USP45: variants seen among roughly 807,000 people sequenced by gnomAD.
The protein encoded by USP45 is ubiquitin specific peptidase 45, also known as ubiquitin carboxyl-terminal hydrolase 45.
A neutral mutation model predicts 95.8 loss-of-function variants in USP45; 89 were observed. The observed-to-expected ratio is 0.93, with a 90% CI of 0.78 to 1.11. The LOEUF (loss-of-function observed/expected upper bound fraction) is 1.11. USP45 is among the 50% of genes least tolerant of loss of function. The probability of loss-of-function intolerance (pLI) is 0.00; values close to 1 mark genes in which losing one functional copy is unlikely to be tolerated. For missense variants in USP45, 898 were observed against 942.5 expected (o/e 0.95, Z 0.62); for synonymous variants, 281 against 316.2 (o/e 0.89, Z 1.18).
At chr6:99,448,384 C>T (rs566833724) in intron 13 of USP45, among the ~76,000 whole-genome samples, 5 of 152,314 alleles carry the variant, frequency 3.3e-5, no homozygotes, top group African/African-American at 9.6e-5. Context: ...AGGAGAACTA[C>T]GTGACAAATG....
In USP45 at chr6:99,450,830, T is replaced by C. The variant is rs529266422; in HGVS notation, c.1309-4367A>G. On this transcript the variant is annotated intron_variant, in intron 13 of 17. Coordinates refer to ENST00000500704, the MANE Select transcript of USP45 (RefSeq NM_001346022.3). Reference sequence around the variant, plus strand: ...ATCCAGCAGCACATCAAAAAGCTTATCCACCATGATCAAGTGGGCTTCATC... The same window carrying C: ...ATCCAGCAGCACATCAAAAAGCTTACCCACCATGATCAAGTGGGCTTCATC... Among the ~76,000 whole-genome samples the C allele has an allele frequency of 2.0e-5, 3 of 152,266 alleles. No individual in the cohort carries two copies. In the South Asian group the frequency reaches 6.2e-4, roughly 32 times the overall value.
intron 13 of USP45, among the ~76,000 whole-genome samples, chr6:99,451,294 C>A (rs1409189035): frequency 6.6e-6 from 1 of 152,236 alleles, no homozygotes; most frequent in Non-Finnish European, 1.5e-5. Context: ...CCCATCATCT[C>A]AACCCAAAAT....
chr6:99,502,934 C>G (rs1797709689), intron 5 of USP45, among the ~76,000 whole-genome samples: 2 of 152,196 alleles, frequency 1.3e-5, no homozygotes, highest in African/African-American at 4.8e-5. Context: ...GAGCTGATGA[C>G]AGCAGCAGGC....
rs1280852486 is a variant in USP45 at position 99,433,950 on chromosome 6, GAC to G, written c.*1764_*1765del. On this transcript the variant is annotated 3_prime_UTR_variant, in exon 18 of 18. Transcript: ENST00000500704. ...TACCAAGATGGCTGACTTGAATAAA[GAC>G]AGTCAATATTTTTCAAAAAATTCAC... 6.6e-6 allele frequency: 1 copy of G among 152,126 alleles called. No homozygotes were observed. The highest frequency in any genetic ancestry group is 2.4e-5 in the African/African-American group (1 of 41,420). The allele number at this position is 152,126 out of a possible 1,614,324, so 9.4% of individuals were successfully genotyped here.
chr6:99,472,152 A>G (rs2128657438), intron 9 of USP45, among the ~76,000 whole-genome samples: 1 of 152,200 alleles, frequency 6.6e-6, no homozygotes, highest in Middle Eastern at 3.4e-3. Context: ...TTTTTTTATA[A>G]TATCAACAGA....
At chr6:99,494,278 T>C (rs981558041) in intron 5 of USP45, among the ~76,000 whole-genome samples, 3 of 152,202 alleles carry the variant, frequency 2.0e-5, no homozygotes, top group African/African-American at 7.2e-5. Context: ...AAAGATAATA[T>C]AGACCTGGAA....
chr6:99,505,260 C>T (rs982191875), intron 4 of USP45, among the ~76,000 whole-genome samples: 8 of 152,084 alleles, frequency 5.3e-5, no homozygotes, highest in South Asian at 2.1e-4. Context: ...ATTAATACAT[C>T]GTATTAATTT....
chr6:99,496,927 A>C (rs1463426757), intron 5 of USP45, among the ~76,000 whole-genome samples: 1 of 152,102 alleles, frequency 6.6e-6, no homozygotes, highest in Non-Finnish European at 1.5e-5. Flanking sequence ...GCACTGACAC[A>C]TCATTATCAC....
intron 5 of USP45, among the ~76,000 whole-genome samples, chr6:99,498,335 C>T (rs1321655798): frequency 1.3e-5 from 2 of 152,170 alleles, no homozygotes; most frequent in Non-Finnish European, 2.9e-5. Flanking sequence ...TTGGTTTATT[C>T]AGCAAGTATT....
intron 13 of USP45, among the ~76,000 whole-genome samples, chr6:99,448,755 A>G (rs1783124456): frequency 6.6e-6 from 1 of 152,180 alleles, no homozygotes; most frequent in Non-Finnish European, 1.5e-5. Flanking sequence ...TGAAGGAAAA[A>G]ATGTTAAGGG....
At chr6:99,437,534 C>A in intron 16 of USP45, 135 bp from the exon 17 acceptor site, 1 of 961,194 alleles carries the variant, frequency 1.0e-6, no homozygotes, top group Non-Finnish European at 1.4e-6. Context: ...ACTTACTAGG[C>A]TGGCAAAATG....
At chr6:99,452,135 C>T (rs1201113268) in intron 13 of USP45, among the ~76,000 whole-genome samples, 1 of 152,142 alleles carries the variant, frequency 6.6e-6, no homozygotes, top group South Asian at 2.1e-4. Context: ...GACTTCATGT[C>T]TAAAACACCA....
chr6:99,501,513 C>T (rs552450961), intron 5 of USP45, among the ~76,000 whole-genome samples: 1 of 152,306 alleles, frequency 6.6e-6, no homozygotes. Flanking sequence ...ATATTATTAG[C>T]CAGCACGGCA....
chr6:99,470,953 A>G (rs566092247), intron 9 of USP45, among the ~76,000 whole-genome samples: 1 of 152,298 alleles, frequency 6.6e-6, no homozygotes, highest in African/African-American at 2.4e-5. Flanking sequence ...ATGATTTTTG[A>G]TATGATTTAA....
rs771875760 is a variant in USP45 at position 99,464,631 on chromosome 6, G to T, written c.1281C>A (p.Ala427=). 1.9e-5 allele frequency: 31 copies of T among 1,612,834 alleles called. No homozygotes were observed. In the Admixed American group the frequency reaches 2.7e-4, roughly 14 times the overall value. ...TIENIHQPRA[A]KKHSSSKDKS... is the part of the protein sequence containing the mutation. Reference sequence around the variant, plus strand: ...TATCTTTAGATGAAGAATGCTTCTTGGCAGCTCTAGGTTGATGAATATTTT... The same window carrying T: ...TATCTTTAGATGAAGAATGCTTCTTTGCAGCTCTAGGTTGATGAATATTTT... The change falls in exon 13 of 18, where the codon GCC becomes GCA. Residue 427 remains alanine (A), a synonymous_variant. Coordinates refer to ENST00000500704, the MANE Select transcript of USP45 (RefSeq NM_001346022.3).
intron 1 of USP45, among the ~76,000 whole-genome samples, chr6:99,512,720 T>C (rs1448406015): frequency 6.6e-6 from 1 of 152,210 alleles, no homozygotes; most frequent in African/African-American, 2.4e-5. Context: ...TCATCACTAC[T>C]GAACTAAGTT....
At chr6:99,466,086 G>A (rs13212024) in intron 11 of USP45, among the ~76,000 whole-genome samples, 22,315 of 151,550 alleles carry the variant, frequency 0.15, 2,357 homozygotes, top group Non-Finnish European at 0.21. Flanking sequence ...GTGCGATCTC[G>A]GCTCACTGCA....
chr6:99,453,110 G>A (rs971084089), intron 13 of USP45, among the ~76,000 whole-genome samples: 2 of 150,258 alleles, frequency 1.3e-5, no homozygotes, highest in Admixed American at 6.7e-5. Context: ...ACACCAACAT[G>A]GCACATGTAT....
chr6:99,498,187 A>C (rs182279452), intron 5 of USP45, among the ~76,000 whole-genome samples: 220 of 152,328 alleles, frequency 1.4e-3, no homozygotes, highest in African/African-American at 5.0e-3. Context: ...CATCTAATGC[A>C]GCATCTGGTA....
Sources: allele counts gnomAD v4.1 joint callset (sites outside exome capture counted in the v4.1 genomes callset), GRCh38; gene constraint gnomAD v4.1.1; transcripts MANE v1.5; gene names NCBI Gene and HGNC (gene_info 2026-07-23, HGNC 2026-07-21).